Variants in OCA2 observed in about 807,000 individuals in gnomAD.
The protein encoded by OCA2 is P protein.
A neutral mutation model predicts 100.2 loss-of-function variants in OCA2; 77 were observed. The observed-to-expected ratio is 0.77, with a 90% CI of 0.64 to 0.93. OCA2 has a LOEUF of 0.93. Among genes scored for constraint, OCA2 ranks in the 40% least tolerant of loss-of-function variants. The probability of loss-of-function intolerance (pLI) is 0.00; values close to 1 mark genes in which losing one functional copy is unlikely to be tolerated. For synonymous variants in OCA2, 432 were observed against 439.2 expected, an observed-to-expected ratio of 0.98 and a Z score of 0.21; for missense variants, 1,062 against 1,089.1, an observed-to-expected ratio of 0.98 and a Z score of 0.35.
At chr15:27,911,477 G>C (rs1395604944) in intron 19 of OCA2, among the ~76,000 whole-genome samples, 2 of 152,212 alleles carry the variant, frequency 1.3e-5, no homozygotes, top group African/African-American at 4.8e-5. Flanking sequence ...TCTGCAGGCT[G>C]TAGAACAAGC....
At chr15:27,958,804 A>G (rs2040315460) in intron 15 of OCA2, among the ~76,000 whole-genome samples, 1 of 152,198 alleles carries the variant, frequency 6.6e-6, no homozygotes, top group East Asian at 1.9e-4. Context: ...GCAATACTCC[A>G]CACTGCCTAT....
intron 14 of OCA2, among the ~76,000 whole-genome samples, chr15:27,968,620 G>A (rs529989385): frequency 3.3e-5 from 5 of 152,212 alleles, no homozygotes; most frequent in African/African-American, 9.6e-5. Flanking sequence ...CACAACTAGA[G>A]GCCATTATCA....
intron 17 of OCA2, among the ~76,000 whole-genome samples, chr15:27,954,749 A>G (rs2040160923): frequency 6.6e-6 from 1 of 151,574 alleles, no homozygotes; most frequent in South Asian, 2.1e-4. Flanking sequence ...AGTCACAGCC[A>G]TCGGCAGCAC....
chr15:27,816,222 A>G (rs1301353518), intron 23 of OCA2, among the ~76,000 whole-genome samples: 2 of 152,244 alleles, frequency 1.3e-5, no homozygotes, highest in Admixed American at 1.3e-4. Context: ...ACATTAGAAG[A>G]AGGAGGGGAG....
At chr15:27,854,766 C>G (rs1334835144) in intron 21 of OCA2, among the ~76,000 whole-genome samples, 1 of 152,186 alleles carries the variant, frequency 6.6e-6, no homozygotes, top group Non-Finnish European at 1.5e-5. Flanking sequence ...TGTGAGGCCA[C>G]GGGGCCCCTA....
At chr15:27,863,922 A>G (rs1430198423) in intron 21 of OCA2, among the ~76,000 whole-genome samples, 2 of 152,030 alleles carry the variant, frequency 1.3e-5, no homozygotes, top group African/African-American at 2.4e-5. Flanking sequence ...TGTCGGTGGG[A>G]CACAGTGGAT....
At chr15:27,951,576 C>T (rs1464561756) in intron 18 of OCA2, among the ~76,000 whole-genome samples, 2 of 152,186 alleles carry the variant, frequency 1.3e-5, no homozygotes, top group African/African-American at 4.8e-5. Flanking sequence ...GCCAGAGATG[C>T]ATCTCTCTCT....
chr15:27,849,790 TACAC>T (rs56705440), intron 22 of OCA2, among the ~76,000 whole-genome samples: 17,142 of 152,054 alleles, frequency 0.11, 2,295 homozygotes, highest in African/African-American at 0.32. Context: ...ACTGTGCACT[TACAC>T]ACAGTTAAGA....
chr15:28,070,019 A>C (rs2141765618), intron 2 of OCA2, among the ~76,000 whole-genome samples: 1 of 97,554 alleles, frequency 1.0e-5, no homozygotes, highest in African/African-American at 8.6e-5. Flanking sequence ...CCGGCCACCC[A>C]TCGTCTGAGA....
Position 28,019,046 on chromosome 15 carries a change from C to T in OCA2, c.647-489G>A, listed in dbSNP as rs77467954. On this transcript the variant is annotated intron_variant, in intron 6 of 23. Transcript: ENST00000354638. ...GCCTTTTTCTTGTTAACCTGTCCTT[C>T]GTGTCTAATCTGCAGGGCCCTGGTT... is the stretch of plus-strand genomic sequence containing the variant. 4.2e-3 allele frequency among the ~76,000 whole-genome samples: 637 copies of T among 152,266 alleles called. 9 individuals carry two copies. The highest frequency in any genetic ancestry group is 0.015 in the African/African-American group (614 of 41,548).
chr15:27,748,831 G>A, the OCA2 span, among the ~76,000 whole-genome samples: 1 of 152,004 alleles, frequency 6.6e-6, no homozygotes, highest in African/African-American at 2.4e-5. Context: ...ATATGATAAT[G>A]ATAAAATAAA....
At chr15:28,058,630 A>T (rs72712684) in intron 2 of OCA2, among the ~76,000 whole-genome samples, 14,840 of 152,236 alleles carry the variant, frequency 0.097, 878 homozygotes, top group African/African-American at 0.16. Flanking sequence ...TGGGAACATG[A>T]TGTCGACTTC....
At chr15:27,947,966 C>T (rs1011469092) in intron 18 of OCA2, among the ~76,000 whole-genome samples, 32 of 152,132 alleles carry the variant, frequency 2.1e-4, no homozygotes, top group Non-Finnish European at 4.1e-4. Context: ...TAGGAAATTC[C>T]CCACAATAGT....
At chr15:28,001,810 G>A (rs1314020566) in intron 9 of OCA2, among the ~76,000 whole-genome samples, 1 of 152,152 alleles carries the variant, frequency 6.6e-6, no homozygotes, top group Non-Finnish European at 1.5e-5. Flanking sequence ...AGCGATGCCC[G>A]GAGGCCGTGC....
At chr15:27,970,783 A>G (rs538082731) in intron 14 of OCA2, among the ~76,000 whole-genome samples, 103 of 152,284 alleles carry the variant, frequency 6.8e-4, no homozygotes, top group Non-Finnish European at 1.2e-3. Context: ...CATGCACAGT[A>G]TGGCAGGGAA....
chr15:27,821,244 G>A (rs2034490479), intron 23 of OCA2, among the ~76,000 whole-genome samples: 1 of 152,178 alleles, frequency 6.6e-6, no homozygotes, highest in Non-Finnish European at 1.5e-5. Context: ...TACCCACAGT[G>A]AGTAAGACTA....
At chr15:27,870,694 AG>A in intron 21 of OCA2, among the ~76,000 whole-genome samples, 2 of 91,674 alleles carry the variant, frequency 2.2e-5, no homozygotes, top group South Asian at 8.5e-4. Context: ...GAAGGAAGGA[AG>A]GAAAGAAGGA....
chr15:27,936,656 T>C (rs2039464101), intron 18 of OCA2, among the ~76,000 whole-genome samples: 1 of 152,108 alleles, frequency 6.6e-6, no homozygotes, highest in Non-Finnish European at 1.5e-5. Context: ...ACTCAGTGGC[T>C]CTTATGGGCA....
At chr15:27,840,584 A>G (rs2035306231) in intron 23 of OCA2, among the ~76,000 whole-genome samples, 1 of 152,228 alleles carries the variant, frequency 6.6e-6, no homozygotes, top group Non-Finnish European at 1.5e-5. Context: ...AATACACCAG[A>G]ACAGAGAACC....
Sources: allele counts gnomAD v4.1 joint callset (sites outside exome capture counted in the v4.1 genomes callset), GRCh38; gene constraint gnomAD v4.1.1; transcripts MANE v1.5; gene names NCBI Gene and HGNC (gene_info 2026-07-23, HGNC 2026-07-21).